UBE4A: variants seen among roughly 807,000 people sequenced by gnomAD.
UBE4A encodes the protein ubiquitin conjugation factor E4 A.
A neutral mutation model predicts 117.9 loss-of-function variants in UBE4A; 48 were observed. The ratio of observed to expected loss-of-function variants is 0.41; its 90% CI spans 0.32 to 0.52. The LOEUF (loss-of-function observed/expected upper bound fraction) is 0.52, where lower values mean the gene tolerates loss of function less well. UBE4A is among the 20% of genes least tolerant of loss of function. The pLI, the probability that UBE4A is intolerant of heterozygous loss-of-function variation, is 0.33. For synonymous variants in UBE4A, 407 were observed against 450.0 expected (o/e 0.90, Z 1.21); for missense variants, 1,067 against 1,296.3 (o/e 0.82, Z 2.72).
At chr11:118,370,635 A>G (rs1335519852) in intron 4 of UBE4A, among the ~76,000 whole-genome samples, 3 of 151,980 alleles carry the variant, frequency 2.0e-5, no homozygotes, top group Non-Finnish European at 4.4e-5. Flanking sequence ...AAAAAAAAAA[A>G]AGAACACCCA....
At chr11:118,391,916 G>T (rs1948822666) in intron 18 of UBE4A, among the ~76,000 whole-genome samples, 1 of 151,850 alleles carries the variant, frequency 6.6e-6, no homozygotes, top group Non-Finnish European at 1.5e-5. Flanking sequence ...AAAAGCTAGG[G>T]TGTTAATGCA....
Position 118,384,628 on chromosome 11 carries a change from A to G in UBE4A, c.2198-7A>G, listed in dbSNP as rs1230133054. On this transcript the variant is annotated splice_polypyrimidine_tract_variant and splice_region_variant and intron_variant, in intron 13 of 19. Coordinates refer to ENST00000252108, the MANE Select transcript of UBE4A (RefSeq NM_001204077.2). Reference sequence around the variant, plus strand: ...TTTGCTGATATTTCGCTCTTGCCTTACTCCAGGAGACCCCCATCAATTTGA... The same window carrying G: ...TTTGCTGATATTTCGCTCTTGCCTTGCTCCAGGAGACCCCCATCAATTTGA... 3 of 1,613,122 alleles carry G rather than the reference A, an allele frequency of 1.9e-6. No individual in the cohort carries two copies. The highest frequency in any genetic ancestry group is 1.7e-6 in the Non-Finnish European group (2 of 1,179,362).
intron 4 of UBE4A, 118 bp from the exon 5 acceptor site, chr11:118,371,396 C>T: frequency 7.8e-7 from 1 of 1,286,512 alleles, no homozygotes; most frequent in Non-Finnish European, 1.1e-6. Context: ...TTCTCCTTCA[C>T]TCTACATTCA....
rs1402115321 is a variant in UBE4A at position 118,398,355 on chromosome 11, T to C, written c.*1915T>C. The C allele has an allele frequency of 1.3e-5, 2 of 152,656 alleles. No individual in the cohort carries two copies. Among genetic ancestry groups the C allele is most frequent in the African/African-American group, 2.4e-5 (1 of 41,438 alleles). The allele number at this position is 152,656 out of a possible 1,614,324, so 9.5% of individuals were successfully genotyped here. A position where few individuals can be genotyped will look rare whatever the true frequency, so the allele number is the denominator to read the frequency against. On this transcript the variant is annotated 3_prime_UTR_variant, in exon 20 of 20. Transcript: ENST00000252108. ...TTTCTGGCAAGCTTTTCTTCTTTTTTTAAACTCTTTTCCTGAAACTTTTTA... is the reference window on the plus strand; with the variant it reads ...TTTCTGGCAAGCTTTTCTTCTTTTTCTAAACTCTTTTCCTGAAACTTTTTA...
At position 118,396,308 on chromosome 11, in the gene UBE4A, T is replaced by C. The variant is rs1555129702; in HGVS notation, c.3075-6T>C. ...AACCCTATTTCCCTTTCTCTCTTTGTCCCAGTGACCAAACAGATCCCTTTA... is the reference window on the plus strand; with the variant it reads ...AACCCTATTTCCCTTTCTCTCTTTGCCCCAGTGACCAAACAGATCCCTTTA... On this transcript the variant is annotated splice_region_variant and splice_polypyrimidine_tract_variant and intron_variant, in intron 19 of 19. Transcript: ENST00000252108. 6.2e-7 allele frequency: 1 copy of C among 1,610,164 alleles called. No homozygotes were observed. The highest frequency in any genetic ancestry group is 1.1e-5 in the South Asian group (1 of 90,382).
In UBE4A at chr11:118,373,630, A is replaced by C. The variant is rs1295258258; in HGVS notation, c.1061A>C (p.Asn354Thr). Reference protein sequence around the residue: ...GVVENHGYFLNPSRSSPQEIK... With the variant: ...GVVENHGYFLTPSRSSPQEIK... ...GTAGAAAATCATGGCTACTTTTTGA[A>C]TCCATCTCGTTCCAGCCCCCAGGAG... The change falls in exon 8 of 20, where the codon AAT becomes ACT. Residue 354 changes from asparagine (N) to threonine (T), a missense_variant. This residue lies in a region of UBE4A where 1,001 missense variants were observed against 1,184.0 expected (regional missense o/e 0.85). Transcript: ENST00000252108. The C allele has an allele frequency of 1.9e-6, 3 of 1,614,166 alleles. No homozygotes were observed. The highest frequency in any genetic ancestry group is 2.5e-6 in the Non-Finnish European group (3 of 1,180,022).
Position 118,374,974 on chromosome 11 carries a change from A to G in UBE4A, c.1195A>G (p.Ile399Val). The change falls in exon 9 of 20, where the codon ATC becomes GTC. Residue 399 changes from isoleucine (I) to valine (V), a missense_variant. Physicochemically the swap from Ile to Val is conservative, Grantham distance 29. This residue lies in a region of UBE4A where 1,001 missense variants were observed against 1,184.0 expected (regional missense o/e 0.85). Coordinates refer to ENST00000252108, the MANE Select transcript of UBE4A (RefSeq NM_001204077.2). Reference protein sequence around the residue: ...LQLSPETKHCILSWLGNCLHA... With the variant: ...LQLSPETKHCVLSWLGNCLHA... ...GCTCTCTCCAGAAACCAAACACTGT[A>G]TCTTGTCCTGGCTTGGAAACTGTTT... 6.2e-7 allele frequency: 1 copy of G among 1,605,656 alleles called. No homozygotes were observed. Among genetic ancestry groups the G allele is most frequent in the South Asian group, 1.1e-5 (1 of 89,660 alleles).
chr11:118,398,095 A>G lies in UBE4A; in HGVS notation c.*1655A>G, dbSNP rs1338428657. 13 of 152,584 alleles carry G rather than the reference A, an allele frequency of 8.5e-5. No homozygotes were observed. The highest frequency in any genetic ancestry group is 4.8e-5 in the African/African-American group (2 of 41,440). 9.5% of individuals were successfully genotyped at this position (152,584 alleles called of 1,614,324 possible). ...TCCTTTCCCTCTCTGAGAATGAACT[A>G]TGTATAAAATAAGCTTCTGCCTATT... On this transcript the variant is annotated 3_prime_UTR_variant, in exon 20 of 20. Coordinates refer to ENST00000252108, the MANE Select transcript of UBE4A (RefSeq NM_001204077.2).
In UBE4A at chr11:118,395,258, G is replaced by A. The variant is rs1006776553; in HGVS notation, c.3075-1056G>A. Among the ~76,000 whole-genome samples, 24 of 151,782 alleles carry A rather than the reference G, an allele frequency of 1.6e-4. 1 individual carries two copies. The highest frequency in any genetic ancestry group is 2.6e-4 in the Admixed American group (4 of 15,252). ...GCAGGAGAATCCCTTGATCCTGGGA[G>A]GCAAAGGTTGCAGTCAGCCAAGATC... On this transcript the variant is annotated intron_variant, in intron 19 of 19. Coordinates refer to ENST00000252108, the MANE Select transcript of UBE4A (RefSeq NM_001204077.2).
chr11:118,369,736 A>C (rs1948594082), intron 4 of UBE4A, among the ~76,000 whole-genome samples: 1 of 148,020 alleles, frequency 6.8e-6, no homozygotes, highest in Admixed American at 6.9e-5. Flanking sequence ...GAATCTTTTC[A>C]TCTACCATGG....
chr11:118,366,375 C>T (rs527277239), intron 2 of UBE4A, among the ~76,000 whole-genome samples: 1 of 152,268 alleles, frequency 6.6e-6, no homozygotes, highest in Non-Finnish European at 1.5e-5. Flanking sequence ...TAAACAGATT[C>T]TTAGCTTCTG....
chr11:118,371,015 A>C (rs1948604219), intron 4 of UBE4A, among the ~76,000 whole-genome samples: 1 of 152,206 alleles, frequency 6.6e-6, no homozygotes, highest in Admixed American at 6.5e-5. Flanking sequence ...TCAAATTTCA[A>C]CATGAATTTT....
Position 118,398,311 on chromosome 11 carries a change from AC to A in UBE4A, c.*1873del, listed in dbSNP as rs1409219283. 4.6e-5 allele frequency: 7 copies of A among 152,366 alleles called. No individual in the cohort carries two copies. The highest frequency in any genetic ancestry group is 1.7e-4 in the African/African-American group (7 of 41,396). 9.4% of individuals were successfully genotyped at this position (152,366 alleles called of 1,614,324 possible). ...CTTTGTCTGTATTCTTCTGTATTTA[AC>A]CTTCAGATTGTAAGCCTTTTCTGGC... On this transcript the variant is annotated 3_prime_UTR_variant, in exon 20 of 20. Coordinates refer to ENST00000252108, the MANE Select transcript of UBE4A (RefSeq NM_001204077.2).
At chr11:118,362,721 C>T (rs1948530085) in intron 1 of UBE4A, among the ~76,000 whole-genome samples, 1 of 152,214 alleles carries the variant, frequency 6.6e-6, no homozygotes, top group Non-Finnish European at 1.5e-5. Flanking sequence ...ATCTTACTGG[C>T]TTATCAACTC....
chr11:118,380,301 G>T (rs782324600), intron 11 of UBE4A, among the ~76,000 whole-genome samples: 5 of 152,000 alleles, frequency 3.3e-5, no homozygotes, highest in Non-Finnish European at 7.4e-5. Context: ...TAAAACTACA[G>T]ACTGGGTATG....
chr11:118,383,497 G>A (rs1948725283), intron 13 of UBE4A, among the ~76,000 whole-genome samples: 1 of 149,546 alleles, frequency 6.7e-6, no homozygotes, highest in Non-Finnish European at 1.5e-5. Context: ...GGAGGCAGAG[G>A]CACGAGAATT....
chr11:118,363,141 TG>T lies in UBE4A; in HGVS notation c.-41-1898del. Reference sequence around the variant, plus strand: ...TAACTACAGGTAATAATTAAACTTGTGCGGTAATTACATGGGGAAAATCCCT... The same window carrying T: ...TAACTACAGGTAATAATTAAACTTGTCGGTAATTACATGGGGAAAATCCCT... On this transcript the variant is annotated intron_variant, in intron 1 of 19. Coordinates refer to ENST00000252108, the MANE Select transcript of UBE4A (RefSeq NM_001204077.2). 2.6e-5 allele frequency among the ~76,000 whole-genome samples: 4 copies of T among 152,306 alleles called. No individual in the cohort carries two copies. In the South Asian group the frequency reaches 8.3e-4, roughly 32 times the overall value.
At position 118,397,081 on chromosome 11, in the gene UBE4A, TAC is replaced by T. The variant is rs1555129937; in HGVS notation, c.*643_*644del. 6.6e-6 allele frequency: 1 copy of T among 152,344 alleles called. No homozygotes were observed. The highest frequency in any genetic ancestry group is 2.4e-5 in the African/African-American group (1 of 41,460). The allele number at this position is 152,344 out of a possible 1,614,324, so 9.4% of individuals were successfully genotyped here. A position where few individuals can be genotyped will look rare whatever the true frequency, so the allele number is the denominator to read the frequency against. On this transcript the variant is annotated 3_prime_UTR_variant, in exon 20 of 20. Transcript: ENST00000252108. ...CTGTTGATAGCTCTTAATTTTGTTA[TAC>T]AGTCTTTTTAATGAGGATTGGTAGG... is the stretch of plus-strand genomic sequence containing the variant.
In UBE4A at chr11:118,375,005, C is replaced by G; in HGVS notation, c.1226C>G (p.Ala409Gly). ...TCCTGGCTTGGAAACTGTTTGCATG[C>G]AAATGCAGGCCGCACCAAGATTTGG... ...ILSWLGNCLHANAGRTKIWAN... is the reference protein window; with the variant it reads ...ILSWLGNCLHGNAGRTKIWAN... The change falls in exon 9 of 20, where the codon GCA (alanine) becomes GGA (glycine). Residue 409 changes from alanine to glycine, a missense_variant. Transcript: ENST00000252108. The G allele has an allele frequency of 6.2e-7, 1 of 1,613,040 alleles. No individual in the cohort carries two copies.
Sources: gnomAD v4.1 joint callset for allele counts (sites outside exome capture counted in the v4.1 genomes callset) on GRCh38, gnomAD v4.1.1 for gene constraint, gnomAD v4.1.1 regional missense constraint, MANE v1.5 for transcripts, NCBI Gene and HGNC (gene_info 2026-07-23, HGNC 2026-07-21) for gene names.